Variants in ZNF333 observed in about 807,000 individuals in gnomAD.
The protein encoded by ZNF333 is zinc finger protein 333.
In ZNF333, 61 loss-of-function variants were observed where a neutral mutation model predicts 76.1. The observed-to-expected ratio is 0.80, with a 90% CI of 0.65 to 0.99. The LOEUF is 0.99. ZNF333 is among the 50% of genes least tolerant of loss of function. The pLI, the probability that ZNF333 is intolerant of heterozygous loss-of-function variation, is 0.00. For synonymous variants in ZNF333, 284 were observed against 305.0 expected (o/e 0.93, Z 0.72); for missense variants, 717 against 822.4 (o/e 0.87, Z 1.57).
intron 7 of ZNF333, 78 bp from the exon 8 acceptor site, chr19:14,715,304 G>T: frequency 7.9e-7 from 1 of 1,269,982 alleles, no homozygotes; most frequent in Non-Finnish European, 1.1e-6. Context: ...CTCACAGCCA[G>T]GGTGGGCAGA....
intron 11 of ZNF333, among the ~76,000 whole-genome samples, chr19:14,728,073 T>C (rs1190351381): frequency 6.6e-6 from 1 of 151,826 alleles, no homozygotes; most frequent in Non-Finnish European, 1.5e-5. Flanking sequence ...ATTAGCCGGG[T>C]GTGGTGGTGG....
intron 1 of ZNF333, among the ~76,000 whole-genome samples, chr19:14,692,021 T>G (rs889949687): frequency 6.6e-6 from 1 of 152,184 alleles, no homozygotes; most frequent in East Asian, 1.9e-4. Context: ...CTTCTTAGGC[T>G]AGCTATACTG....
At chr19:14,701,653 T>A in intron 5 of ZNF333, 1 of 985,374 alleles carries the variant, frequency 1.0e-6, no homozygotes, top group Non-Finnish European at 1.2e-6. Flanking sequence ...CCTCTTTGTT[T>A]CTGTGGGCTC....
At chr19:14,694,931 T>C in intron 2 of ZNF333, 79 bp from the exon 3 acceptor site, 4 of 1,586,704 alleles carry the variant, frequency 2.5e-6, no homozygotes, top group Non-Finnish European at 3.4e-6. Context: ...GAACATTTTC[T>C]CTTCTCCAGT....
intron 1 of ZNF333, among the ~76,000 whole-genome samples, chr19:14,692,586 C>T (rs1017189637): frequency 6.6e-5 from 10 of 152,040 alleles, no homozygotes; most frequent in African/African-American, 2.4e-4. Context: ...GATCTGGGCT[C>T]ACTGCAGCCT....
chr19:14,698,373 CAAAAAAAAA>C (rs35567352), intron 4 of ZNF333, among the ~76,000 whole-genome samples: 5 of 67,460 alleles, frequency 7.4e-5, no homozygotes, highest in Admixed American at 5.4e-4. Flanking sequence ...GACTCCGTCT[CAAAAAAAAA>C]AAAAAAAAAA....
Position 14,716,254 on chromosome 19 carries a change from C to T in ZNF333, c.727+16C>T. 6.3e-7 allele frequency: 1 copy of T among 1,586,776 alleles called. No individual in the cohort carries two copies. On this transcript the variant is annotated intron_variant, in intron 9 of 11. Transcript: ENST00000292530. ...GCCTCTGTGGGTAAGGCAGCTTCAT[C>T]TTTTCTTTCCTTTTTTTTTTTTGAG...
chr19:14,696,730 C>A (rs1028702714), intron 4 of ZNF333, among the ~76,000 whole-genome samples: 3 of 130,856 alleles, frequency 2.3e-5, no homozygotes, highest in Non-Finnish European at 4.6e-5. Context: ...GACCTAATCA[C>A]CTTTTTTTTT....
chr19:14,695,921 GTAAT>G (rs1973148712), intron 4 of ZNF333, among the ~76,000 whole-genome samples: 1 of 152,312 alleles, frequency 6.6e-6, no homozygotes, highest in South Asian at 2.1e-4. Context: ...GCTCTTGCAT[GTAAT>G]CCCAGCACTT....
At chr19:14,704,011 A>G (rs1416099554) in intron 5 of ZNF333, among the ~76,000 whole-genome samples, 2 of 152,166 alleles carry the variant, frequency 1.3e-5, no homozygotes, top group Non-Finnish European at 2.9e-5. Flanking sequence ...TGGAAGCCCA[A>G]GATCAAGGTG....
At chr19:14,694,113 A>T (rs921106008) in intron 2 of ZNF333, among the ~76,000 whole-genome samples, 4 of 152,212 alleles carry the variant, frequency 2.6e-5, no homozygotes, top group African/African-American at 9.6e-5. Context: ...GGCATGGAAC[A>T]TTCCCATCAT....
chr19:14,703,409 G>A (rs1210295989), intron 5 of ZNF333, among the ~76,000 whole-genome samples: 3 of 152,112 alleles, frequency 2.0e-5, no homozygotes, highest in Non-Finnish European at 4.4e-5. Flanking sequence ...ATATTTGTTC[G>A]ACAAATAGGC....
downstream of ZNF333, among the ~76,000 whole-genome samples, chr19:14,724,664 G>A (rs1048513889): frequency 6.6e-6 from 1 of 152,154 alleles, no homozygotes; most frequent in African/African-American, 2.4e-5. Context: ...TACTCTGGAG[G>A]CTGAGGCAGG....
intron 9 of ZNF333, among the ~76,000 whole-genome samples, chr19:14,716,611 G>A (rs2042438776): frequency 6.6e-6 from 1 of 152,150 alleles, no homozygotes; most frequent in Non-Finnish European, 1.5e-5. Context: ...TCTAGAAATT[G>A]TGCAAGTCTG....
chr19:14,692,338 C>G (rs1972836517), intron 1 of ZNF333, among the ~76,000 whole-genome samples: 1 of 152,084 alleles, frequency 6.6e-6, no homozygotes, highest in Non-Finnish European at 1.5e-5. Context: ...GCGGAGGAAA[C>G]TTGAGAGAAC....
intron 7 of ZNF333, chr19:14,708,110 C>T (rs1002694339): frequency 2.6e-5 from 10 of 390,116 alleles, no homozygotes; most frequent in Admixed American, 1.3e-4. Flanking sequence ...CGGGTTCAAG[C>T]GATTTTCCTG....
intron 5 of ZNF333, among the ~76,000 whole-genome samples, chr19:14,704,307 C>A (rs1166124645): frequency 2.0e-5 from 3 of 151,822 alleles, no homozygotes; most frequent in Non-Finnish European, 1.5e-5. Context: ...TTTTTTAAGA[C>A]ACAATCTCGC....
chr19:14,732,495 G>A (rs747406122), exon 12 of ZNF333: 6 of 152,198 alleles, frequency 3.9e-5, no homozygotes, highest in Admixed American at 3.3e-4. Context: ...CATCACATAT[G>A]TGATGAATGG....
In ZNF333 at chr19:14,718,574, A is replaced by G; in HGVS notation, c.1247A>G (p.His416Arg). The G allele has an allele frequency of 6.2e-7, 1 of 1,614,186 alleles. No individual in the cohort carries two copies. Among genetic ancestry groups the G allele is most frequent in the Non-Finnish European group, 8.5e-7 (1 of 1,180,050 alleles). The change falls in exon 12 of 12, where the codon CAT becomes CGT. Residue 416 changes from histidine (H) to arginine (R), a missense_variant. His to Arg is a conservative substitution (Grantham distance 29, BLOSUM62 0). Coordinates refer to ENST00000292530, the MANE Select transcript of ZNF333 (RefSeq NM_032433.4). ...AATCTCCGGCGACACATGAGAACCCATACCGGAGAGAAGCCATTTGAATGT... is the reference window on the plus strand; with the variant it reads ...AATCTCCGGCGACACATGAGAACCCGTACCGGAGAGAAGCCATTTGAATGT... ...SSNLRRHMRT[H>R]TGEKPFECSQ...
Sources: gnomAD v4.1 joint callset for allele counts (sites outside exome capture counted in the v4.1 genomes callset) on GRCh38, gnomAD v4.1.1 for gene constraint, MANE v1.5 for transcripts, NCBI Gene and HGNC (gene_info 2026-07-23, HGNC 2026-07-21) for gene names.